Variants in RAB15 observed in about 807,000 individuals in gnomAD.
The protein encoded by RAB15 is RAB15, member RAS oncogene family, also known as ras-related protein Rab-15.
RAB15 carries 13 observed loss-of-function variants against 31.8 expected under a neutral mutation model. The ratio of observed to expected loss-of-function variants is 0.41; its 90% confidence interval spans 0.27 to 0.65. The LOEUF (loss-of-function observed/expected upper bound fraction) is 0.65. Ranked by LOEUF, RAB15 falls within the 30% of genes least tolerant of loss-of-function variation. RAB15 has a pLI of 0.32. For missense variants in RAB15, 220 were observed against 277.3 expected, an observed-to-expected ratio of 0.79 and a Z score of 1.47; for synonymous variants, 100 against 105.6, an observed-to-expected ratio of 0.95 and a Z score of 0.33.
intron 1 of RAB15, among the ~76,000 whole-genome samples, chr14:64,964,506 A>C (rs1311041719): frequency 6.7e-6 from 1 of 148,728 alleles, no homozygotes; most frequent in African/African-American, 2.5e-5. Flanking sequence ...GTGACAGAGC[A>C]AGACTCTGTT....
At position 64,972,024 on chromosome 14, in the gene RAB15, C is replaced by T; in HGVS notation, c.53G>A (p.Gly18Glu). 1.2e-6 allele frequency: 2 copies of T among 1,610,156 alleles called. No homozygotes were observed. Among genetic ancestry groups the T allele is most frequent in the Non-Finnish European group, 1.7e-6 (2 of 1,178,430 alleles). The change falls in exon 1 of 7, where the codon GGG becomes GAG. Residue 18 changes from glycine (G) to glutamate (E), a missense_variant. Coordinates refer to ENST00000533601, the MANE Select transcript of RAB15 (RefSeq NM_001308154.2). This position sits in a 1 kb window ranked among gnomAD's most constrained non-coding sequence, Gnocchi z 6.3. ...GCACAGCAGGCAGGTCTTGCCCACC[C>T]CGGAGTCCCCGATCAGCAGCAGCCG... is the stretch of plus-strand genomic sequence containing the variant. ...LFRLLLIGDS[G>E]VGKTCLLCRF...
intron 1 of RAB15, among the ~76,000 whole-genome samples, chr14:64,966,531 AT>A (rs201071567): frequency 0.019 from 2,887 of 150,350 alleles, 93 homozygotes; most frequent in African/African-American, 0.065. Context: ...TCAAAAAAAA[AT>A]AAATAAATAA....
Position 64,957,236 on chromosome 14 carries a change from C to T in RAB15, c.125-4665G>A, listed in dbSNP as rs188788054. ...ATAGGCATGAGCCTCCGCACCAGGC[C>T]GATTTTCTTAAGTGTAGAAGGAGAA... On this transcript the variant is annotated intron_variant, in intron 1 of 6. Transcript: ENST00000533601. 2.8e-3 allele frequency among the ~76,000 whole-genome samples: 420 copies of T among 152,240 alleles called. 3 individuals are homozygous for T. Among genetic ancestry groups the T allele is most frequent in the African/African-American group, 4.6e-3 (189 of 41,528 alleles).
chr14:64,960,259 C>T lies in RAB15; in HGVS notation c.125-7688G>A, dbSNP rs191806171. On this transcript the variant is annotated intron_variant, in intron 1 of 6. Transcript: ENST00000533601. ...CACTCACGTGACTCCTAAGCTAGCT[C>T]GCCTTGGGTGGGCAAACAGGGAAAA... Among the ~76,000 whole-genome samples the T allele has an allele frequency of 5.3e-5, 8 of 152,320 alleles. No homozygotes were observed. In the East Asian group the frequency reaches 1.5e-3, roughly 29 times the overall value.
chr14:64,955,211 G>C lies in RAB15; in HGVS notation c.125-2640C>G, dbSNP rs1886479006. Among the ~76,000 whole-genome samples the C allele has an allele frequency of 6.6e-6, 1 of 152,270 alleles. No homozygotes were observed. The highest frequency in any genetic ancestry group is 1.5e-5 in the Non-Finnish European group (1 of 68,016). On this transcript the variant is annotated intron_variant, in intron 1 of 6. Coordinates refer to ENST00000533601, the MANE Select transcript of RAB15 (RefSeq NM_001308154.2). This position sits in a 1 kb window ranked among gnomAD's most constrained non-coding sequence, Gnocchi z 4.4. Reference sequence around the variant, plus strand: ...GATGGAAGAAACAGAGTAAGTCTATGTCTTCTGAAGGATTTTCCTTCCTCC... The same window carrying C: ...GATGGAAGAAACAGAGTAAGTCTATCTCTTCTGAAGGATTTTCCTTCCTCC...
intron 5 of RAB15, among the ~76,000 whole-genome samples, chr14:64,949,406 G>A (rs1886105654): frequency 1.3e-5 from 2 of 152,206 alleles, no homozygotes; most frequent in Non-Finnish European, 1.5e-5. Flanking sequence ...TCCACGGACT[G>A]AGTGGATAAC....
At position 64,969,975 on chromosome 14, in the gene RAB15, G is replaced by T. The variant is rs529946925; in HGVS notation, c.124+1978C>A. ...AAGAGGGGTGCCCTCAAAAAGGAGG[G>T]TATGTGTCTCCCAGGGGAGGCTGCC... On this transcript the variant is annotated intron_variant, in intron 1 of 6. Coordinates refer to ENST00000533601, the MANE Select transcript of RAB15 (RefSeq NM_001308154.2). Among the ~76,000 whole-genome samples, 93 of 152,290 alleles carry T rather than the reference G, an allele frequency of 6.1e-4. 1 individual carries two copies. Among genetic ancestry groups the T allele is most frequent in the Non-Finnish European group, 1.1e-3 (75 of 68,010 alleles).
rs1228240282 is a variant in RAB15 at position 64,968,414 on chromosome 14, C to G, written c.124+3539G>C. Among the ~76,000 whole-genome samples the G allele has an allele frequency of 1.3e-5, 2 of 152,200 alleles. No individual in the cohort carries two copies. The highest frequency in any genetic ancestry group is 4.8e-5 in the African/African-American group (2 of 41,464). ...CAGGGGCCTCTCTCTTCCCCAGCCT[C>G]CGACAGCATGGAGTCGTGGGAATAG... On this transcript the variant is annotated intron_variant, in intron 1 of 6. Coordinates refer to ENST00000533601, the MANE Select transcript of RAB15 (RefSeq NM_001308154.2). This position sits in a 1 kb window ranked among gnomAD's most constrained non-coding sequence, Gnocchi z 4.9.
At chr14:64,956,100 C>T (rs753616102) in intron 1 of RAB15, among the ~76,000 whole-genome samples, 29 of 152,142 alleles carry the variant, frequency 1.9e-4, no homozygotes, top group Non-Finnish European at 3.1e-4. Flanking sequence ...TCACCTGGGA[C>T]TTGTTAGAAA....
chr14:64,948,033 C>T lies in RAB15; in HGVS notation c.*321G>A. On this transcript the variant is annotated 3_prime_UTR_variant, in exon 7 of 7. Coordinates refer to ENST00000533601, the MANE Select transcript of RAB15 (RefSeq NM_001308154.2). The surrounding 1 kb of genome is among the most constrained non-coding windows in gnomAD (Gnocchi z 7.0). ...CGGAGAAAGGAGCAGCTGAAAGTGG[C>T]CTGGACTCCAGCCCTGGCTGTTGTC... The T allele has an allele frequency of 3.3e-6, 1 of 302,704 alleles. No homozygotes were observed. The highest frequency in any genetic ancestry group is 5.3e-5 in the East Asian group (1 of 18,740). 18.8% of individuals were successfully genotyped at this position (302,704 alleles called of 1,614,324 possible). A position where few individuals can be genotyped will look rare whatever the true frequency, so the allele number is the denominator to read the frequency against.
In RAB15 at chr14:64,948,241, T is replaced by C. The variant is rs765850176; in HGVS notation, c.*113A>G. The C allele has an allele frequency of 8.7e-7, 1 of 1,154,810 alleles. No individual in the cohort carries two copies. The highest frequency in any genetic ancestry group is 2.8e-5 in the East Asian group (1 of 36,218). The allele number at this position is 1,154,810 out of a possible 1,614,324, so 71.5% of individuals were successfully genotyped here. ...CAGGGGGAGTAGTGGCTACTGATAC[T>C]CAATAGGGTCATCACACGAGAGGAC... On this transcript the variant is annotated 3_prime_UTR_variant, in exon 7 of 7. Coordinates refer to ENST00000533601, the MANE Select transcript of RAB15 (RefSeq NM_001308154.2). This position sits in a 1 kb window ranked among gnomAD's most constrained non-coding sequence, Gnocchi z 7.0.
In RAB15 at chr14:64,950,624, T is replaced by C; in HGVS notation, c.325-210A>G. On this transcript the variant is annotated intron_variant, in intron 4 of 6. Transcript: ENST00000533601. This position sits in a 1 kb window ranked among gnomAD's most constrained non-coding sequence, Gnocchi z 5.6. ...AGCTTAGGGTAGAAGACACTCTGGC[T>C]AAGACTGGTGCTTCCTTGGGTTAGA... The C allele has an allele frequency of 1.6e-6, 1 of 609,720 alleles. No individual in the cohort carries two copies. Among genetic ancestry groups the C allele is most frequent in the Non-Finnish European group, 2.9e-6 (1 of 342,556 alleles). 37.8% of individuals were successfully genotyped at this position (609,720 alleles called of 1,614,324 possible).
At chr14:64,959,739 G>A (rs1938308127) in intron 1 of RAB15, among the ~76,000 whole-genome samples, 1 of 151,000 alleles carries the variant, frequency 6.6e-6, no homozygotes. Flanking sequence ...CAGGTGTGAT[G>A]GTGTCCACCT....
At chr14:64,964,289 C>T (rs191651400) in intron 1 of RAB15, among the ~76,000 whole-genome samples, 16 of 151,956 alleles carry the variant, frequency 1.1e-4, no homozygotes, top group African/African-American at 3.1e-4. Context: ...TTTGGGAGGC[C>T]GAGGTGGGCG....
rs1026953837 is a variant in RAB15, at chr14:64,968,986, G to C, written c.124+2967C>G. 1.3e-5 allele frequency among the ~76,000 whole-genome samples: 2 copies of C among 152,200 alleles called. No homozygotes were observed. The highest frequency in any genetic ancestry group is 4.8e-5 in the African/African-American group (2 of 41,444). On this transcript the variant is annotated intron_variant, in intron 1 of 6. Transcript: ENST00000533601. This position sits in a 1 kb window ranked among gnomAD's most constrained non-coding sequence, Gnocchi z 4.9. ...TAGAAGATCGCAGGCCGTTAAAGTG[G>C]AGTACACAGTAAATCACAAAAGTAC...
intron 1 of RAB15, among the ~76,000 whole-genome samples, chr14:64,960,271 G>A (rs1192047969): frequency 6.6e-6 from 1 of 152,210 alleles, no homozygotes; most frequent in African/African-American, 2.4e-5. Context: ...CCTTGGGTGG[G>A]CAAACAGGGA....
At position 64,950,880 on chromosome 14, in the gene RAB15, G is replaced by T; in HGVS notation, c.324+194C>A. On this transcript the variant is annotated intron_variant, in intron 4 of 6. Transcript: ENST00000533601. The surrounding 1 kb of genome is among the most constrained non-coding windows in gnomAD (Gnocchi z 5.6). ...TTCCGGGAAAGACACAGCCGTGGAG[G>T]CCTGGCAGGGTATAGAGAGTGAGGG... The T allele has an allele frequency of 9.3e-7, 1 of 1,071,780 alleles. No individual in the cohort carries two copies. The highest frequency in any genetic ancestry group is 1.4e-6 in the Non-Finnish European group (1 of 718,206). 66.4% of individuals were successfully genotyped at this position (1,071,780 alleles called of 1,614,324 possible).
At chr14:64,960,580 CAG>C (rs1202850045) in intron 1 of RAB15, among the ~76,000 whole-genome samples, 2 of 152,076 alleles carry the variant, frequency 1.3e-5, no homozygotes, top group Non-Finnish European at 1.5e-5. Context: ...GTGGGGGTGA[CAG>C]AGGATTCTCA....
At position 64,962,179 on chromosome 14, in the gene RAB15, C is replaced by T. The variant is rs1194651707; in HGVS notation, c.125-9608G>A. Reference sequence around the variant, plus strand: ...GCAGTGAGCCAAGATTGTGCCACTGCACTCCAGCCTGGGGGATACAGTGAG... The same window carrying T: ...GCAGTGAGCCAAGATTGTGCCACTGTACTCCAGCCTGGGGGATACAGTGAG... On this transcript the variant is annotated intron_variant, in intron 1 of 6. Transcript: ENST00000533601. This position sits in a 1 kb window ranked among gnomAD's most constrained non-coding sequence, Gnocchi z 4.2. Among the ~76,000 whole-genome samples, 2 of 152,194 alleles carry T rather than the reference C, an allele frequency of 1.3e-5. No individual in the cohort carries two copies. The highest frequency in any genetic ancestry group is 3.9e-4 in the East Asian group (2 of 5,188).
Sources: gnomAD v4.1 joint callset for allele counts (sites outside exome capture counted in the v4.1 genomes callset) on GRCh38, gnomAD v4.1.1 for gene constraint, Gnocchi (gnomAD v3.1) non-coding constraint, MANE v1.5 for transcripts, NCBI Gene and HGNC (gene_info 2026-07-23, HGNC 2026-07-21) for gene names.